The following RB1 variants were observed in gnomAD, a reference collection of about 807,000 sequenced individuals.
RB1 encodes RB transcriptional corepressor 1, also known as retinoblastoma-associated protein.
Under a neutral mutation model 135.4 loss-of-function variants are expected in RB1, and 18 were observed. The ratio of observed to expected loss-of-function variants is 0.13; its 90% CI spans 0.09 to 0.20. The LOEUF (loss-of-function observed/expected upper bound fraction) is 0.20. Ranked by LOEUF, RB1 falls within the 10% of genes least tolerant of loss-of-function variation. The pLI is 1.00. For missense variants in RB1, 868 were observed against 1,110.0 expected, an observed-to-expected ratio of 0.78 and a Z score of 3.10; for synonymous variants, 365 against 373.2, an observed-to-expected ratio of 0.98 and a Z score of 0.25.
Position 48,328,524 on chromosome 13 carries a change from C to G in RB1, c.265-14075C>G. 3 of 762,288 alleles carry G rather than the reference C, an allele frequency of 3.9e-6. No individual in the cohort carries two copies. The South Asian group carries it at 4.1e-5, about 11-fold the overall frequency. 47.2% of individuals were successfully genotyped at this position (762,288 alleles called of 1,614,324 possible). ...CTCCAGCAGCTCCAGCTCATTGCGA[C>G]TTTTCCGGCTTCTCCTCTCCCGCCT... On this transcript the variant is annotated intron_variant, in intron 2 of 26. Coordinates refer to ENST00000267163, the MANE Select transcript of RB1 (RefSeq NM_000321.3).
At chr13:48,464,957 A>ATTT in intron 21 of RB1, 41 bp from the exon 22 acceptor site, 4 of 1,136,262 alleles carry the variant, frequency 3.5e-6, no homozygotes, top group South Asian at 1.6e-5. Flanking sequence ...AGTAAATTTT[A>ATTT]CTTTTTTTTT....
At chr13:48,409,218 A>G (rs1948767640) in intron 17 of RB1, among the ~76,000 whole-genome samples, 2 of 144,644 alleles carry the variant, frequency 1.4e-5, no homozygotes, top group African/African-American at 2.6e-5. Context: ...GTGTGATCAT[A>G]TCTCACTCTA....
At chr13:48,455,007 A>G (rs1949351401) in intron 18 of RB1, among the ~76,000 whole-genome samples, 1 of 152,218 alleles carries the variant, frequency 6.6e-6, no homozygotes, top group Admixed American at 6.5e-5. Flanking sequence ...GGACAGGGCA[A>G]GGCAAAAAGC....
chr13:48,376,499 C>CAA (rs751662834), intron 12 of RB1, among the ~76,000 whole-genome samples: 122 of 65,868 alleles, frequency 1.9e-3, no homozygotes, highest in Middle Eastern at 0.017. Flanking sequence ...CACTTCATCT[C>CAA]AAAAAAAAAA....
chr13:48,393,062 A>G (rs1056988623), intron 17 of RB1, among the ~76,000 whole-genome samples: 1 of 152,148 alleles, frequency 6.6e-6, no homozygotes, highest in Non-Finnish European at 1.5e-5. Context: ...TGAATATCCC[A>G]TATATGACAA....
chr13:48,376,375 C>T (rs1482774246), intron 12 of RB1, among the ~76,000 whole-genome samples: 1 of 151,840 alleles, frequency 6.6e-6, no homozygotes, highest in Non-Finnish European at 1.5e-5. Context: ...GTGCGCTTGC[C>T]TATAATCCCA....
intron 2 of RB1, among the ~76,000 whole-genome samples, chr13:48,314,038 G>A (rs911374253): frequency 3.9e-5 from 6 of 152,118 alleles, no homozygotes; most frequent in East Asian, 1.9e-4. Flanking sequence ...GTGAGCCACC[G>A]CGCCTGGCCG....
intron 17 of RB1, among the ~76,000 whole-genome samples, chr13:48,429,012 C>G (rs919603838): frequency 3.9e-5 from 6 of 152,154 alleles, no homozygotes; most frequent in Non-Finnish European, 5.9e-5. Context: ...AAGCTATTCT[C>G]TGATATACCT....
At chr13:48,478,955 G>GATGGCTTATGTCTGTAATACCAGCAAT (rs1949520374) in intron 26 of RB1, among the ~76,000 whole-genome samples, 1 of 152,146 alleles carries the variant, frequency 6.6e-6, no homozygotes, top group African/African-American at 2.4e-5. Context: ...GGGTAGGCAT[G>GATGGCTTATGTCTGTAATACCAGCAAT]ATGGCTTATG....
chr13:48,339,516 T>C (rs892101783), intron 2 of RB1, among the ~76,000 whole-genome samples: 2 of 152,158 alleles, frequency 1.3e-5, no homozygotes, highest in African/African-American at 2.4e-5. Context: ...GCTGAGACCA[T>C]TGGAAAAGCG....
At chr13:48,406,801 C>T (rs1948743998) in intron 17 of RB1, 1 of 152,254 alleles carries the variant, frequency 6.6e-6, no homozygotes, top group Non-Finnish European at 1.5e-5. Flanking sequence ...CACCTGTAGT[C>T]CCAGCTGCTT....
chr13:48,376,332 C>T (rs1484278028), intron 12 of RB1, among the ~76,000 whole-genome samples: 1 of 152,070 alleles, frequency 6.6e-6, no homozygotes, highest in Non-Finnish European at 1.5e-5. Context: ...AAAACCCCAT[C>T]TCTACTAAAG....
intron 10 of RB1, 88 bp downstream of exon 10, chr13:48,367,691 C>T: frequency 2.8e-6 from 4 of 1,422,304 alleles, no homozygotes; most frequent in Non-Finnish European, 3.8e-6. Context: ...GCTTAGTGAC[C>T]TTTAGATATC....
intron 17 of RB1, among the ~76,000 whole-genome samples, chr13:48,438,670 A>G (rs952102941): frequency 5.3e-5 from 8 of 152,158 alleles, no homozygotes; most frequent in Admixed American, 5.2e-4. Context: ...TGACTGGACA[A>G]TTTACTCCTT....
chr13:48,309,752 A>G (rs1952115452), intron 2 of RB1, among the ~76,000 whole-genome samples: 1 of 152,234 alleles, frequency 6.6e-6, no homozygotes, highest in Non-Finnish European at 1.5e-5. Context: ...AGTTTGATAT[A>G]GTAGTTAGGT....
intron 4 of RB1, among the ~76,000 whole-genome samples, 163 bp downstream of exon 4, chr13:48,345,362 C>G (rs1952483456): frequency 6.6e-6 from 1 of 152,122 alleles, no homozygotes. Context: ...TCTTATTTAT[C>G]CAGTAATATG....
chr13:48,351,426 G>A (rs1009203569), intron 6 of RB1, among the ~76,000 whole-genome samples: 7 of 151,886 alleles, frequency 4.6e-5, no homozygotes, highest in African/African-American at 1.7e-4. Context: ...ACTTTTTAGT[G>A]GGGTTGGTTT....
intron 17 of RB1, among the ~76,000 whole-genome samples, chr13:48,406,220 TG>T (rs1948738625): frequency 6.6e-6 from 1 of 152,114 alleles, no homozygotes; most frequent in Non-Finnish European, 1.5e-5. Flanking sequence ...TGTATGTGTG[TG>T]TTAGATATTG....
chr13:48,439,444 T>C (rs1234277423), intron 17 of RB1, among the ~76,000 whole-genome samples: 1 of 152,150 alleles, frequency 6.6e-6, no homozygotes, highest in Non-Finnish European at 1.5e-5. Context: ...ATCATAGTTA[T>C]CGAAATCAGG....
Sources: gnomAD v4.1 joint callset for allele counts (sites outside exome capture counted in the v4.1 genomes callset) on GRCh38, gnomAD v4.1.1 for gene constraint, MANE v1.5 for transcripts, NCBI Gene and HGNC (gene_info 2026-07-23, HGNC 2026-07-21) for gene names.